Variants in UNC5D observed in about 807,000 individuals in gnomAD.
The protein encoded by UNC5D is unc-5 netrin receptor D, also known as netrin receptor UNC5D.
A neutral mutation model predicts 105.4 loss-of-function variants in UNC5D; 39 were observed. The observed-to-expected ratio is 0.37, with a 90% confidence interval of 0.29 to 0.48. UNC5D has a LOEUF of 0.48. Among genes scored for constraint, UNC5D ranks in the 20% least tolerant of loss-of-function variants. The pLI, the probability that UNC5D is intolerant of heterozygous loss-of-function variation, is 0.98. For synonymous variants in UNC5D, 452 were observed against 450.4 expected (o/e 1.00, Z -0.04); for missense variants, 991 against 1,202.4 (o/e 0.82, Z 2.60).
chr8:35,606,259 TAC>T (rs780728391), intron 4 of UNC5D, among the ~76,000 whole-genome samples: 13 of 152,134 alleles, frequency 8.5e-5, no homozygotes, highest in Non-Finnish European at 1.6e-4. Context: ...GTGCCAGGAT[TAC>T]AGACATGAGC....
In UNC5D at chr8:35,790,367, C is replaced by T; in HGVS notation, c.2666C>T (p.Ser889Phe). 1.2e-6 allele frequency: 2 copies of T among 1,613,772 alleles called. No individual in the cohort carries two copies. The highest frequency in any genetic ancestry group is 1.7e-6 in the Non-Finnish European group (2 of 1,179,794). ...AQKNSINRNL[S>F]YFATQSSPSA... ...TAACTCTCTCCATCTAGGAATTTAT[C>T]TTATTTCGCTACACAAAGTAGCCCA... Residue 889 changes from serine to phenylalanine, a missense_variant, in exon 17 of 17, where the codon TCT becomes TTT. Around this residue, in one of 3 missense-constraint regions of UNC5D, gnomAD observed 944 missense variants for 1,131.6 expected, o/e 0.83. Transcript: ENST00000404895.
chr8:35,677,392 C>G (rs916739387), intron 4 of UNC5D, among the ~76,000 whole-genome samples: 7 of 152,054 alleles, frequency 4.6e-5, no homozygotes, highest in Non-Finnish European at 1.5e-5. Context: ...GGTCTCGTAC[C>G]CAGCACCACT....
chr8:35,464,679 T>G (rs1809167040), intron 1 of UNC5D, among the ~76,000 whole-genome samples: 1 of 152,196 alleles, frequency 6.6e-6, no homozygotes, highest in Non-Finnish European at 1.5e-5. Context: ...GAAGGTCAAT[T>G]CTAACCTGCT....
chr8:35,256,195 C>T (rs192135264), intron 1 of UNC5D: 1 of 152,120 alleles, frequency 6.6e-6, no homozygotes, highest in Non-Finnish European at 1.5e-5. Flanking sequence ...ATGGCAGGGA[C>T]TTGTTATTTT....
At chr8:35,571,598 A>T (rs989304438) in intron 3 of UNC5D, among the ~76,000 whole-genome samples, 12 of 152,184 alleles carry the variant, frequency 7.9e-5, no homozygotes, top group African/African-American at 2.9e-4. Flanking sequence ...ATTTGCTTGC[A>T]GGGAAAAGAA....
chr8:35,384,806 A>G, intron 1 of UNC5D, among the ~76,000 whole-genome samples: 1 of 152,192 alleles, frequency 6.6e-6, no homozygotes, highest in East Asian at 1.9e-4. Flanking sequence ...CTTCTTTATG[A>G]CTAAAGGTTT....
chr8:35,721,531 A>G (rs1011927129), intron 8 of UNC5D: 1 of 702,640 alleles, frequency 1.4e-6, no homozygotes, highest in Admixed American at 2.0e-5. Flanking sequence ...AAATTATTAG[A>G]GTCTAGCATT....
intron 1 of UNC5D, among the ~76,000 whole-genome samples, chr8:35,409,486 T>G (rs1805020054): frequency 6.6e-6 from 1 of 151,072 alleles, no homozygotes; most frequent in Non-Finnish European, 1.5e-5. Context: ...CTTAATTTTT[T>G]GTAATAACTC....
chr8:35,447,552 T>C (rs1807879533), intron 1 of UNC5D, among the ~76,000 whole-genome samples: 1 of 152,084 alleles, frequency 6.6e-6, no homozygotes, highest in African/African-American at 2.4e-5. Context: ...TCTACAAGTA[T>C]AAAATGGAGA....
intron 1 of UNC5D, among the ~76,000 whole-genome samples, chr8:35,247,655 TA>T (rs1440014719): frequency 2.1e-5 from 1 of 47,046 alleles, no homozygotes; most frequent in Non-Finnish European, 3.4e-5. Context: ...ATATTATATA[TA>T]AAATATATAT....
chr8:35,508,804 T>A (rs529753334), intron 1 of UNC5D, among the ~76,000 whole-genome samples: 1 of 152,232 alleles, frequency 6.6e-6, no homozygotes, highest in African/African-American at 2.4e-5. Context: ...GGGAGAGCAC[T>A]GGAAAATAAA....
intron 1 of UNC5D, chr8:35,255,646 G>T (rs1389244281): frequency 6.6e-6 from 1 of 152,086 alleles, no homozygotes; most frequent in Non-Finnish European, 1.5e-5. Flanking sequence ...GACAACTGTA[G>T]ACACAGAGAA....
At chr8:35,536,889 G>A (rs879184214) in intron 1 of UNC5D, among the ~76,000 whole-genome samples, 5 of 152,026 alleles carry the variant, frequency 3.3e-5, no homozygotes, top group Admixed American at 1.3e-4. Flanking sequence ...CCAGCTACTC[G>A]GGAGGCTGAG....
At chr8:35,249,103 A>T (rs184627793) in intron 1 of UNC5D, among the ~76,000 whole-genome samples, 5,382 of 126,510 alleles carry the variant, frequency 0.043, 159 homozygotes, top group Non-Finnish European at 0.056. Flanking sequence ...TATATAAAAA[A>T]ATATATATAT....
chr8:35,252,843 G>T (rs1371283759), intron 1 of UNC5D, among the ~76,000 whole-genome samples: 2 of 152,124 alleles, frequency 1.3e-5, no homozygotes, highest in Admixed American at 6.5e-5. Context: ...ATTTCAGCAA[G>T]ATATGAGTTC....
chr8:35,660,621 C>T (rs1045802719), intron 4 of UNC5D, among the ~76,000 whole-genome samples: 10 of 151,888 alleles, frequency 6.6e-5, no homozygotes, highest in South Asian at 2.1e-4. Flanking sequence ...ACACGGGAAA[C>T]GGGAAAAAAG....
rs555504337 is a variant in UNC5D, at chr8:35,441,647, A to G, written c.104-107645A>G. 1.6e-4 allele frequency among the ~76,000 whole-genome samples: 24 copies of G among 151,950 alleles called. No homozygotes were observed. In the South Asian group the frequency reaches 4.8e-3, roughly 30 times the overall value. On this transcript the variant is annotated intron_variant, in intron 1 of 16. Coordinates refer to ENST00000404895, the MANE Select transcript of UNC5D (RefSeq NM_080872.4). The stretch of plus-strand genomic sequence containing the variant: ...ACGTGGGTCACTGGCTTTCAAAGTG[A>G]TTCCTAACAATTGACATCTCTTTGA...
At chr8:35,322,539 T>G (rs1809829376) in intron 1 of UNC5D, among the ~76,000 whole-genome samples, 1 of 152,192 alleles carries the variant, frequency 6.6e-6, no homozygotes, top group African/African-American at 2.4e-5. Context: ...ATGTAATACA[T>G]TTTTTGCTTC....
chr8:35,684,732 G>A lies in UNC5D; in HGVS notation c.902G>A (p.Cys301Tyr). ...CEGMSVQKIT[C>Y]TSLCPVDGSW... ...GGAATGTCAGTGCAGAAAATAACCT[G>A]CACTTCTCTTTGTCCTGGTGAGATA... is the stretch of plus-strand genomic sequence containing the variant. The change falls in exon 6 of 17, where the codon TGC becomes TAC. Residue 301 changes from cysteine (C) to tyrosine (Y), a missense_variant. Physicochemically the swap from Cys to Tyr is radical, Grantham distance 194 (BLOSUM62 -2). Coordinates refer to ENST00000404895, the MANE Select transcript of UNC5D (RefSeq NM_080872.4). 1 of 1,613,098 alleles carries A rather than the reference G, an allele frequency of 6.2e-7. No individual in the cohort carries two copies. Among genetic ancestry groups the A allele is most frequent in the East Asian group, 2.2e-5 (1 of 44,840 alleles).
Sources: gnomAD v4.1 joint callset for allele counts (sites outside exome capture counted in the v4.1 genomes callset) on GRCh38, gnomAD v4.1.1 for gene constraint, gnomAD v4.1.1 regional missense constraint, MANE v1.5 for transcripts, NCBI Gene and HGNC (gene_info 2026-07-23, HGNC 2026-07-21) for gene names.